Variants in PICALM observed in about 807,000 individuals in gnomAD.
PICALM encodes phosphatidylinositol binding clathrin assembly protein.
Under a neutral mutation model 80.5 loss-of-function variants are expected in PICALM, and 40 were observed. That is an observed-to-expected ratio of 0.50 (90% confidence interval 0.39 to 0.65). The LOEUF (loss-of-function observed/expected upper bound fraction) is 0.65. Ranked by LOEUF, PICALM falls within the 30% of genes least tolerant of loss-of-function variation. The probability of loss-of-function intolerance (pLI) is 0.00; values close to 1 mark genes in which losing one functional copy is unlikely to be tolerated. For missense variants in PICALM, 676 were observed against 778.9 expected (o/e 0.87, Z 1.57); for synonymous variants, 288 against 260.3 (o/e 1.11, Z -1.02).
At chr11:85,998,781 AGAGAGAGAGAGATT>A (rs1160664993) in intron 11 of PICALM, among the ~76,000 whole-genome samples, 1 of 151,952 alleles carries the variant, frequency 6.6e-6, no homozygotes, top group Non-Finnish European at 1.5e-5. Flanking sequence ...CTGTCTCAAA[AGAGAGAGAGAGATT>A]GAGAGAGAAA....
At chr11:86,004,628 C>A (rs112277475) in intron 8 of PICALM, among the ~76,000 whole-genome samples, 1 of 151,750 alleles carries the variant, frequency 6.6e-6, no homozygotes, top group African/African-American at 2.4e-5. Context: ...AAGAACTGTC[C>A]GCTCTAAGTG....
intron 19 of PICALM, among the ~76,000 whole-genome samples, chr11:85,965,094 T>A (rs1273605981): frequency 6.6e-6 from 1 of 152,190 alleles, no homozygotes; most frequent in Non-Finnish European, 1.5e-5. Flanking sequence ...TTAAATTTGG[T>A]TGCCATTGTA....
chr11:85,979,466 G>A (rs1298748108), intron 17 of PICALM, among the ~76,000 whole-genome samples: 3 of 150,948 alleles, frequency 2.0e-5, no homozygotes, highest in Non-Finnish European at 2.9e-5. Context: ...ATGTAGCCTG[G>A]GCAAAAGAGC....
chr11:86,022,830 A>C (rs1057265655), intron 3 of PICALM, among the ~76,000 whole-genome samples: 1 of 152,136 alleles, frequency 6.6e-6, no homozygotes. Context: ...ATGGAACCAC[A>C]ATCCCATTCC....
At chr11:85,999,650 G>A (rs987415454) in intron 11 of PICALM, among the ~76,000 whole-genome samples, 3 of 152,210 alleles carry the variant, frequency 2.0e-5, no homozygotes, top group African/African-American at 4.8e-5. Flanking sequence ...CATGCATACA[G>A]CAAGCAGTTC....
rs1223790554 is a variant in PICALM at position 86,057,378 on chromosome 11, A to C, written c.130+11273T>G. ...ACATGGTGAAACCCCGTCTCTACTA[A>C]AAATACAAAAATTAGCTGGGCCTGG... On this transcript the variant is annotated intron_variant, in intron 1 of 19. Coordinates refer to ENST00000393346, the MANE Select transcript of PICALM (RefSeq NM_007166.4). Among the ~76,000 whole-genome samples, 6 of 152,280 alleles carry C rather than the reference A, an allele frequency of 3.9e-5. No homozygotes were observed. The East Asian group carries it at 1.2e-3, about 29-fold the overall frequency.
At chr11:86,068,520 G>C (rs1387663947) in intron 1 of PICALM, 131 bp downstream of exon 1, 6 of 824,242 alleles carry the variant, frequency 7.3e-6, no homozygotes, top group Non-Finnish European at 1.1e-5. Context: ...AACGGGCACA[G>C]GACCGGCCGT....
intron 1 of PICALM, among the ~76,000 whole-genome samples, chr11:86,036,269 G>A (rs1272789002): frequency 1.3e-5 from 2 of 152,126 alleles, no homozygotes; most frequent in Non-Finnish European, 2.9e-5. Context: ...TCAATGTCCA[G>A]GAAATGAAAT....
intron 13 of PICALM, among the ~76,000 whole-genome samples, chr11:85,986,172 G>T (rs1191434371): frequency 6.6e-6 from 1 of 151,958 alleles, no homozygotes; most frequent in African/African-American, 2.4e-5. Flanking sequence ...TAGCTAATCG[G>T]CTATTAATAT....
chr11:86,036,868 G>A (rs1026926434), intron 1 of PICALM, among the ~76,000 whole-genome samples: 2 of 150,142 alleles, frequency 1.3e-5, no homozygotes, highest in Non-Finnish European at 2.9e-5. Context: ...TTGGAAGGCC[G>A]AGGTAGGATG....
At chr11:86,022,530 A>G in intron 3 of PICALM, 61 bp from the exon 4 acceptor site, 1 of 867,482 alleles carries the variant, frequency 1.2e-6, no homozygotes, top group South Asian at 1.7e-5. Context: ...TAAATGACTA[A>G]AAATCCCAAT....
At chr11:86,030,430 G>A (rs2095730592) in intron 2 of PICALM, among the ~76,000 whole-genome samples, 1 of 152,182 alleles carries the variant, frequency 6.6e-6, no homozygotes, top group South Asian at 2.1e-4. Flanking sequence ...TAATACCAAT[G>A]ACTAAAGTTC....
At chr11:85,985,287 T>C (rs2094543632) in intron 13 of PICALM, among the ~76,000 whole-genome samples, 1 of 152,198 alleles carries the variant, frequency 6.6e-6, no homozygotes, top group Non-Finnish European at 1.5e-5. Context: ...TTTGGTGAGA[T>C]GTCCAAGAAG....
chr11:86,020,404 A>G (rs1403915387), intron 4 of PICALM, among the ~76,000 whole-genome samples: 1 of 148,664 alleles, frequency 6.7e-6, no homozygotes, highest in African/African-American at 2.5e-5. Context: ...AGGGGCCCAG[A>G]ACAGCTAAAA....
At position 85,985,118 on chromosome 11, in the gene PICALM, T is replaced by C. The variant is rs147493691; in HGVS notation, c.1409-1145A>G. Among the ~76,000 whole-genome samples the C allele has an allele frequency of 3.1e-3, 475 of 152,322 alleles. 3 individuals carry two copies. The highest frequency in any genetic ancestry group is 0.011 in the African/African-American group (457 of 41,584). On this transcript the variant is annotated intron_variant, in intron 13 of 19. Transcript: ENST00000393346. ...ACACCATTAGGGAGAAGTTAAACTT[T>C]TGGTGTCCTAAATTTAGGATCCCTT...
At chr11:86,065,243 C>A (rs1477400173) in intron 1 of PICALM, among the ~76,000 whole-genome samples, 1 of 152,088 alleles carries the variant, frequency 6.6e-6, no homozygotes, top group Non-Finnish European at 1.5e-5. Flanking sequence ...GTCAAGAGAT[C>A]CAGACCATCC....
intron 1 of PICALM, among the ~76,000 whole-genome samples, chr11:86,037,576 T>A (rs76096410): frequency 1.3e-5 from 2 of 151,524 alleles, no homozygotes; most frequent in Admixed American, 1.3e-4. Flanking sequence ...TTTTTTTTTT[T>A]AATTACTGCT....
intron 11 of PICALM, among the ~76,000 whole-genome samples, chr11:85,997,834 G>A (rs1038234083): frequency 1.3e-5 from 2 of 152,036 alleles, no homozygotes; most frequent in African/African-American, 4.8e-5. Flanking sequence ...CCAGGCTGGA[G>A]TGCAGTGATG....
At chr11:86,063,371 C>G (rs923824708) in intron 1 of PICALM, among the ~76,000 whole-genome samples, 5 of 71,524 alleles carry the variant, frequency 7.0e-5, no homozygotes, top group Non-Finnish European at 1.1e-4. Flanking sequence ...TCAGTAAACA[C>G]AAAAGGTATA....
Sources: gnomAD v4.1 joint callset for allele counts (sites outside exome capture counted in the v4.1 genomes callset) on GRCh38, gnomAD v4.1.1 for gene constraint, MANE v1.5 for transcripts, NCBI Gene and HGNC (gene_info 2026-07-23, HGNC 2026-07-21) for gene names.